PLEKHA7: variants seen among roughly 807,000 people sequenced by gnomAD.
The protein encoded by PLEKHA7 is pleckstrin homology domain-containing family A member 7.
Under a neutral mutation model 170.0 loss-of-function variants are expected in PLEKHA7, and 104 were observed. That is an observed-to-expected ratio of 0.61 (90% CI 0.52 to 0.72). The LOEUF is 0.72. Ranked by LOEUF, PLEKHA7 falls within the 30% of genes least tolerant of loss-of-function variation. PLEKHA7 has a pLI of 0.00. For missense variants in PLEKHA7, 1,615 were observed against 1,671.7 expected (o/e 0.97, Z 0.59); for synonymous variants, 648 against 660.8 (o/e 0.98, Z 0.30).
intron 3 of PLEKHA7, among the ~76,000 whole-genome samples, chr11:16,977,786 A>C (rs1863162575): frequency 6.6e-6 from 1 of 152,174 alleles, no homozygotes; most frequent in Non-Finnish European, 1.5e-5. Flanking sequence ...CAGTATGGTC[A>C]AATCCTCGCT....
rs760563200 is a variant in PLEKHA7, at chr11:16,821,921, A to G, written c.1343+4199T>C. Reference sequence around the variant, plus strand: ...ATGAAATTCCTCTCACTGTGTGCTCAGTGACCTCTAAAGCCAATGAGCTGT... The same window carrying G: ...ATGAAATTCCTCTCACTGTGTGCTCGGTGACCTCTAAAGCCAATGAGCTGT... On this transcript the variant is annotated intron_variant, in intron 10 of 26. Transcript: ENST00000531066. 1.2e-3 allele frequency among the ~76,000 whole-genome samples: 179 copies of G among 152,164 alleles called. 1 individual carries two copies. The highest frequency in any genetic ancestry group is 1.9e-3 in the Non-Finnish European group (127 of 68,040).
At chr11:16,927,682 G>C (rs1464275958) in intron 3 of PLEKHA7, among the ~76,000 whole-genome samples, 4 of 152,204 alleles carry the variant, frequency 2.6e-5, no homozygotes, top group African/African-American at 9.7e-5. Context: ...GGGACAATTT[G>C]GCAATATGAA....
intron 4 of PLEKHA7, among the ~76,000 whole-genome samples, chr11:16,866,409 T>C (rs981759899): frequency 1.3e-5 from 2 of 151,758 alleles, no homozygotes; most frequent in African/African-American, 2.4e-5. Context: ...CTGGCCAACA[T>C]GGTGAAACCC....
chr11:16,919,989 C>G (rs1327377908), intron 3 of PLEKHA7, among the ~76,000 whole-genome samples: 1 of 152,174 alleles, frequency 6.6e-6, no homozygotes, highest in Non-Finnish European at 1.5e-5. Flanking sequence ...ATGGGACAAC[C>G]TGGATTTGGA....
In PLEKHA7 at chr11:16,848,684, C is replaced by A. The variant is rs187645595; in HGVS notation, c.696+2507G>T. Among the ~76,000 whole-genome samples the A allele has an allele frequency of 7.2e-5, 11 of 152,246 alleles. No homozygotes were observed. The East Asian group carries it at 2.1e-3, about 29-fold the overall frequency. ...TGTGTTATGAAGATATCTATGGTTT[C>A]TACTGGTGACCAAGTCACAGGTACT... is the stretch of plus-strand genomic sequence containing the variant. On this transcript the variant is annotated intron_variant, in intron 8 of 26. Transcript: ENST00000531066.
In PLEKHA7 at chr11:16,801,561, A is replaced by C; in HGVS notation, c.2307+107T>G. ...GCTACTGGAGAAGCTCTGCTATTTC[A>C]GGACTCTTGCCTCTGGACACCAACT... On this transcript the variant is annotated intron_variant, in intron 16 of 26. Transcript: ENST00000531066. The C allele has an allele frequency of 2.2e-6, 3 of 1,380,150 alleles. No homozygotes were observed. The South Asian group carries it at 4.0e-5, about 18-fold the overall frequency. The allele number at this position is 1,380,150 out of a possible 1,614,324, so 85.5% of individuals were successfully genotyped here.
At chr11:17,014,273 G>GCCC in intron 1 of PLEKHA7, 43 bp downstream of exon 1, 2 of 1,167,844 alleles carry the variant, frequency 1.7e-6, no homozygotes, top group Non-Finnish European at 2.3e-6. Flanking sequence ...CCGCCCCCGC[G>GCCC]CCCCCACCCG....
intron 8 of PLEKHA7, among the ~76,000 whole-genome samples, chr11:16,848,949 C>T (rs1012155108): frequency 2.0e-5 from 3 of 152,142 alleles, no homozygotes; most frequent in Non-Finnish European, 2.9e-5. Context: ...CCCTGAGCTG[C>T]CCCCAGAGCC....
In PLEKHA7 at chr11:16,826,337, C is replaced by T. The variant is rs1850640708; in HGVS notation, c.1126G>A (p.Asp376Asn). The change falls in exon 10 of 27, where the codon GAT becomes AAT. Residue 376 changes from aspartate to asparagine, a missense_variant. By Grantham distance (23) the Asp-to-Asn change is conservative. Coordinates refer to ENST00000531066, the MANE Select transcript of PLEKHA7 (RefSeq NM_001329630.2). ...TGGCCTCTTGGGCCAGTGGGTAAAT[C>T]CATAAACAAGGCATCCTCCTCGGCT... ...SPAEEDALFM[D>N]LPTGPRGQQA... 1 of 1,614,248 alleles carries T rather than the reference C, an allele frequency of 6.2e-7. No individual in the cohort carries two copies. The highest frequency in any genetic ancestry group is 2.2e-5 in the East Asian group (1 of 44,876).
chr11:16,987,072 A>T (rs1863773701), intron 3 of PLEKHA7, among the ~76,000 whole-genome samples: 1 of 152,172 alleles, frequency 6.6e-6, no homozygotes, highest in South Asian at 2.1e-4. Context: ...CCCAAATGGG[A>T]AATTTGCAGG....
chr11:16,911,889 TC>T lies in PLEKHA7; in HGVS notation c.222-40708del, dbSNP rs150554293. ...TTTAACCTAAACCAAAGCATCCTCA[TC>T]CCGTCCACGGCACCTGCTTAATTAC... On this transcript the variant is annotated intron_variant, in intron 3 of 26. Transcript: ENST00000531066. 8.7e-3 allele frequency among the ~76,000 whole-genome samples: 1,320 copies of T among 152,132 alleles called. 14 individuals are homozygous for T. Among genetic ancestry groups the T allele is most frequent in the African/African-American group, 0.03 (1,243 of 41,484 alleles).
intron 3 of PLEKHA7, among the ~76,000 whole-genome samples, chr11:17,007,270 A>T (rs1397018453): frequency 6.6e-6 from 1 of 152,200 alleles, no homozygotes; most frequent in Non-Finnish European, 1.5e-5. Flanking sequence ...TATAAAATTT[A>T]TGCTAATAAT....
At chr11:16,814,684 G>A (rs1024008380) in intron 12 of PLEKHA7, among the ~76,000 whole-genome samples, 1 of 152,160 alleles carries the variant, frequency 6.6e-6, no homozygotes, top group Non-Finnish European at 1.5e-5. Flanking sequence ...CACTTGCCTT[G>A]TGTGTGATCC....
chr11:16,806,615 T>C (rs1304379206), intron 13 of PLEKHA7, among the ~76,000 whole-genome samples: 1 of 152,194 alleles, frequency 6.6e-6, no homozygotes, highest in Non-Finnish European at 1.5e-5. Context: ...GCTGGCCACA[T>C]TGCAGTCCCT....
chr11:17,000,114 C>CA (rs1361025991), intron 3 of PLEKHA7, among the ~76,000 whole-genome samples: 2 of 152,124 alleles, frequency 1.3e-5, no homozygotes, highest in African/African-American at 4.8e-5. Context: ...GACAGAGTCT[C>CA]ACTCTGTCAC....
At chr11:16,960,052 G>A (rs983363418) in intron 3 of PLEKHA7, among the ~76,000 whole-genome samples, 2 of 152,138 alleles carry the variant, frequency 1.3e-5, no homozygotes, top group Admixed American at 6.5e-5. Context: ...CCCTCCTTTC[G>A]CTGGCCCAGG....
At chr11:16,885,060 G>C (rs1484652152) in intron 3 of PLEKHA7, among the ~76,000 whole-genome samples, 1 of 152,228 alleles carries the variant, frequency 6.6e-6, no homozygotes, top group African/African-American at 2.4e-5. Context: ...AAGATTTCTT[G>C]CTGGCCATGG....
At chr11:16,803,379 G>T in intron 13 of PLEKHA7, 84 bp from the exon 14 acceptor site, 1 of 1,408,526 alleles carries the variant, frequency 7.1e-7, no homozygotes, top group South Asian at 1.2e-5. Flanking sequence ...TATAATGGAT[G>T]GTGTGGAAGT....
At chr11:16,798,891 A>G (rs1848410586) in intron 17 of PLEKHA7, among the ~76,000 whole-genome samples, 1 of 152,258 alleles carries the variant, frequency 6.6e-6, no homozygotes, top group Admixed American at 6.5e-5. Flanking sequence ...AAACGCTGAA[A>G]ATAATTAAAT....
Sources: gnomAD v4.1 joint callset for allele counts (sites outside exome capture counted in the v4.1 genomes callset) on GRCh38, gnomAD v4.1.1 for gene constraint, MANE v1.5 for transcripts, NCBI Gene and HGNC (gene_info 2026-07-23, HGNC 2026-07-21) for gene names.